PTPRN2: variants seen among roughly 807,000 people sequenced by gnomAD.
PTPRN2 encodes protein tyrosine phosphatase receptor type N2.
PTPRN2 carries 74 observed loss-of-function variants against 118.8 expected under a neutral mutation model. That is an observed-to-expected ratio of 0.62 (90% CI 0.52 to 0.76). PTPRN2 has a LOEUF of 0.76. Among genes scored for constraint, PTPRN2 ranks in the 30% least tolerant of loss-of-function variants. The probability of loss-of-function intolerance (pLI) is 0.00; values close to 1 mark genes in which losing one functional copy is unlikely to be tolerated. For missense variants in PTPRN2, 1,481 were observed against 1,394.4 expected, an observed-to-expected ratio of 1.06 and a Z score of -0.99; for synonymous variants, 641 against 608.0, an observed-to-expected ratio of 1.05 and a Z score of -0.80.
intron 3 of PTPRN2, among the ~76,000 whole-genome samples, chr7:158,262,973 G>GCA (rs1797605127): frequency 9.1e-6 from 1 of 109,950 alleles, no homozygotes; most frequent in Admixed American, 8.7e-5. Flanking sequence ...TTCACACACT[G>GCA]CACACATACA....
intron 4 of PTPRN2, among the ~76,000 whole-genome samples, chr7:158,202,305 G>T (rs2150736752): frequency 6.6e-6 from 1 of 152,318 alleles, no homozygotes; most frequent in South Asian, 2.1e-4. Flanking sequence ...GGGCCACACT[G>T]TTTCTTATTC....
At chr7:158,175,822 A>G (rs1824140601) in intron 5 of PTPRN2, among the ~76,000 whole-genome samples, 6 of 152,178 alleles carry the variant, frequency 3.9e-5, no homozygotes, top group Admixed American at 3.3e-4. Context: ...CGGGGTGCCA[A>G]TGTGAACTCC....
At chr7:157,628,391 C>T (rs1803726565) in intron 14 of PTPRN2, among the ~76,000 whole-genome samples, 1 of 152,222 alleles carries the variant, frequency 6.6e-6, no homozygotes, top group Non-Finnish European at 1.5e-5. Flanking sequence ...GCAAGAGCAC[C>T]TTCTCTTCAG....
At chr7:157,544,524 G>GCGGGGCCTCCCGTCC (rs1468622123) in intron 22 of PTPRN2, among the ~76,000 whole-genome samples, 2 of 152,122 alleles carry the variant, frequency 1.3e-5, no homozygotes, top group African/African-American at 2.4e-5. Context: ...GTGGACATGC[G>GCGGGGCCTCCCGTCC]AGGGGCCTCC....
chr7:157,750,127 G>T (rs1486818367), intron 12 of PTPRN2, among the ~76,000 whole-genome samples: 3 of 152,062 alleles, frequency 2.0e-5, no homozygotes, highest in Non-Finnish European at 4.4e-5. Context: ...CTGCAACATA[G>T]CACGTGGTCC....
chr7:158,070,308 C>CCCG (rs1811116654), intron 11 of PTPRN2, among the ~76,000 whole-genome samples: 1 of 136,074 alleles, frequency 7.3e-6, no homozygotes, highest in Non-Finnish European at 1.6e-5. Flanking sequence ...GGAGGTGCTC[C>CCCG]TGGTGGTGGA....
chr7:157,852,952 C>A (rs560849889), intron 12 of PTPRN2, among the ~76,000 whole-genome samples: 10 of 152,022 alleles, frequency 6.6e-5, no homozygotes, highest in African/African-American at 2.4e-4. Flanking sequence ...GTGGCCATGC[C>A]ACCAGCTTTT....
intron 12 of PTPRN2, among the ~76,000 whole-genome samples, chr7:157,757,085 G>A (rs1252939390): frequency 6.6e-6 from 1 of 152,200 alleles, no homozygotes; most frequent in Non-Finnish European, 1.5e-5. Flanking sequence ...ATGCTATGCG[G>A]CTCACAAGAT....
chr7:157,993,395 A>T (rs1804405943), intron 11 of PTPRN2, among the ~76,000 whole-genome samples: 2 of 151,668 alleles, frequency 1.3e-5, no homozygotes, highest in Admixed American at 1.3e-4. Flanking sequence ...GACATCCCGT[A>T]CCTGGTCAGA....
At chr7:157,755,033 G>A (rs1801697243) in intron 12 of PTPRN2, among the ~76,000 whole-genome samples, 1 of 152,114 alleles carries the variant, frequency 6.6e-6, no homozygotes, top group South Asian at 2.1e-4. Flanking sequence ...CTATGGGTGT[G>A]CGCTGCCACG....
rs1313540516 is a variant in PTPRN2, at chr7:157,898,710, G to A, written c.1751C>T (p.Thr584Ile). The A allele has an allele frequency of 6.2e-7, 1 of 1,608,238 alleles. No individual in the cohort carries two copies. Among genetic ancestry groups the A allele is most frequent in the Admixed American group, 1.7e-5 (1 of 60,022 alleles). ...TVDNKDKLEE[T>I]SGLKILQTGV... Reference sequence around the variant, plus strand: ...GGTTTGAAGAATTTTCAGTCCAGAGGTTTCCTCCAGTTTGTCTTTGTTGTC... The same window carrying A: ...GGTTTGAAGAATTTTCAGTCCAGAGATTTCCTCCAGTTTGTCTTTGTTGTC... The change falls in exon 12 of 23, where the codon ACC becomes ATC. Residue 584 changes from threonine (T) to isoleucine (I), a missense_variant. Transcript: ENST00000389418.
At chr7:157,947,674 A>G (rs1163078825) in intron 11 of PTPRN2, among the ~76,000 whole-genome samples, 1 of 152,128 alleles carries the variant, frequency 6.6e-6, no homozygotes, top group Non-Finnish European at 1.5e-5. Context: ...ACTATCCCAA[A>G]TTTGATGAAA....
Position 157,874,817 on chromosome 7 carries a change from GGACACACACAGAGA to G in PTPRN2, c.1788+23842_1788+23855del, listed in dbSNP as rs1795626523. Reference sequence around the variant, plus strand: ...CATATACACACAGAGACACACTCATGGACACACACAGAGACACACTCATGCACATATACACACGG... The same window carrying G: ...CATATACACACAGAGACACACTCATGCACACTCATGCACATATACACACGG... On this transcript the variant is annotated intron_variant, in intron 12 of 22. Coordinates refer to ENST00000389418, the MANE Select transcript of PTPRN2 (RefSeq NM_002847.5). This position sits in a 1 kb window ranked among gnomAD's most constrained non-coding sequence, Gnocchi z 5.8. 1.0e-4 allele frequency among the ~76,000 whole-genome samples: 11 copies of G among 105,772 alleles called. No individual in the cohort carries two copies. The Admixed American group carries it at 1.1e-3, about 10-fold the overall frequency. The allele number at this position is 105,772 out of a possible 152,430, so 69.4% of individuals were successfully genotyped here.
intron 6 of PTPRN2, among the ~76,000 whole-genome samples, chr7:158,155,574 T>TCAA (rs1821675595): frequency 1.3e-3 from 3 of 2,278 alleles, no homozygotes; most frequent in Non-Finnish European, 2.1e-3. Context: ...ATTGCCATCA[T>TCAA]CACCATCACC....
intron 5 of PTPRN2, among the ~76,000 whole-genome samples, chr7:158,178,045 G>A (rs916602435): frequency 6.6e-6 from 1 of 151,934 alleles, no homozygotes; most frequent in Non-Finnish European, 1.5e-5. Context: ...TTTGTATTTT[G>A]TTTTTTTAAA....
At position 158,529,433 on chromosome 7, in the gene PTPRN2, C is replaced by T. The variant is rs73510521; in HGVS notation, c.113-39648G>A. The stretch of plus-strand genomic sequence containing the variant: ...GAGGACGGACTCACCAGGACACCCC[C>T]AAGGACAGGGAAGGTGCTGCTGACC... On this transcript the variant is annotated intron_variant, in intron 1 of 22. Coordinates refer to ENST00000389418, the MANE Select transcript of PTPRN2 (RefSeq NM_002847.5). The surrounding 1 kb of genome is among the most constrained non-coding windows in gnomAD (Gnocchi z 4.7). Among the ~76,000 whole-genome samples, 2,116 of 152,300 alleles carry T rather than the reference C, an allele frequency of 0.014. 49 individuals carry two copies. The highest frequency in any genetic ancestry group is 0.047 in the African/African-American group (1,970 of 41,556).
intron 12 of PTPRN2, among the ~76,000 whole-genome samples, chr7:157,812,513 G>A (rs1244171255): frequency 6.6e-6 from 1 of 152,136 alleles, no homozygotes; most frequent in Non-Finnish European, 1.5e-5. Context: ...CTGTGCATAG[G>A]GTGCTAATGA....
chr7:157,762,754 AAAAG>A (rs917876321), intron 12 of PTPRN2, among the ~76,000 whole-genome samples: 18 of 152,070 alleles, frequency 1.2e-4, no homozygotes, highest in African/African-American at 3.9e-4. Flanking sequence ...TAATAAAAAA[AAAAG>A]AGAAAAAAGA....
intron 2 of PTPRN2, among the ~76,000 whole-genome samples, chr7:158,390,415 A>C (rs1811834481): frequency 6.6e-6 from 1 of 152,374 alleles, no homozygotes; most frequent in Non-Finnish European, 1.5e-5. Context: ...AAGTGGAATC[A>C]GCAGCCAGAC....
Sources: allele counts gnomAD v4.1 joint callset (sites outside exome capture counted in the v4.1 genomes callset), GRCh38; gene constraint gnomAD v4.1.1; non-coding constraint Gnocchi (gnomAD v3.1); transcripts MANE v1.5; gene names NCBI Gene and HGNC (gene_info 2026-07-23, HGNC 2026-07-21).